Variants in PACS1 observed in about 807,000 individuals in gnomAD.
PACS1 encodes phosphofurin acidic cluster sorting protein 1, also known as PACS-1.
PACS1 carries 24 observed loss-of-function variants against 115.0 expected under a neutral mutation model. The observed-to-expected ratio is 0.21, with a 90% CI of 0.15 to 0.29. The LOEUF (loss-of-function observed/expected upper bound fraction) is 0.29. Among genes scored for constraint, PACS1 ranks in the 10% least tolerant of loss-of-function variants. The pLI, the probability that PACS1 is intolerant of heterozygous loss-of-function variation, is 1.00. For missense variants in PACS1, 838 were observed against 1,251.2 expected, an observed-to-expected ratio of 0.67 and a Z score of 4.98; for synonymous variants, 453 against 504.5, an observed-to-expected ratio of 0.90 and a Z score of 1.37.
intron 21 of PACS1, chr11:66,241,094 T>C (rs1565160775): frequency 4.9e-6 from 1 of 204,196 alleles, no homozygotes; most frequent in African/African-American, 2.3e-5. Flanking sequence ...TGTGTGTGTG[T>C]TATATGTGTG....
At chr11:66,072,535 T>C (rs1396638304) in intron 1 of PACS1, among the ~76,000 whole-genome samples, 1 of 152,154 alleles carries the variant, frequency 6.6e-6, no homozygotes, top group African/African-American at 2.4e-5. Flanking sequence ...TTTTTTTTTC[T>C]CTGTCCTTTC....
chr11:66,232,545 C>T (rs1325222146), intron 14 of PACS1, among the ~76,000 whole-genome samples: 4 of 152,234 alleles, frequency 2.6e-5, no homozygotes, highest in Non-Finnish European at 4.4e-5. Flanking sequence ...AACAGTAATT[C>T]CTCCAGGGCG....
intron 2 of PACS1, among the ~76,000 whole-genome samples, chr11:66,208,445 C>A (rs1854994487): frequency 6.6e-6 from 1 of 151,870 alleles, no homozygotes; most frequent in African/African-American, 2.4e-5. Context: ...TAGCGATACC[C>A]CATCTCTACA....
At chr11:66,131,006 G>A (rs1266542585) in intron 1 of PACS1, among the ~76,000 whole-genome samples, 1 of 152,168 alleles carries the variant, frequency 6.6e-6, no homozygotes, top group East Asian at 1.9e-4. Context: ...AGGACGTTCA[G>A]GCTGCAGTGA....
chr11:66,118,009 T>C (rs900721315), intron 1 of PACS1, among the ~76,000 whole-genome samples: 2 of 152,254 alleles, frequency 1.3e-5, no homozygotes, highest in African/African-American at 4.8e-5. Flanking sequence ...GGATGTTTTT[T>C]CCATTTGTGT....
At chr11:66,188,819 G>T (rs932731880) in intron 1 of PACS1, among the ~76,000 whole-genome samples, 1 of 152,130 alleles carries the variant, frequency 6.6e-6, no homozygotes, top group Non-Finnish European at 1.5e-5. Context: ...GCAAATGCGG[G>T]TTTATGGAGA....
At position 66,119,916 on chromosome 11, in the gene PACS1, G is replaced by A. The variant is rs564612863; in HGVS notation, c.356+49074G>A. The stretch of plus-strand genomic sequence containing the variant: ...TCTCTAGGCACCGTTCAGCTCAGTA[G>A]AGACATTGCTGCATGGTGGAAGGAG... On this transcript the variant is annotated intron_variant, in intron 1 of 23. Coordinates refer to ENST00000320580, the MANE Select transcript of PACS1 (RefSeq NM_018026.4). Among the ~76,000 whole-genome samples, 11 of 152,236 alleles carry A rather than the reference G, an allele frequency of 7.2e-5. No homozygotes were observed. In the East Asian group the frequency reaches 2.1e-3, roughly 29 times the overall value.
intron 1 of PACS1, among the ~76,000 whole-genome samples, chr11:66,159,390 T>G (rs1351442997): frequency 6.6e-6 from 1 of 150,966 alleles, no homozygotes; most frequent in African/African-American, 2.4e-5. Flanking sequence ...TGACCCAAGA[T>G]CACGCCATTG....
At chr11:66,077,298 C>T (rs1349027832) in intron 1 of PACS1, among the ~76,000 whole-genome samples, 2 of 152,218 alleles carry the variant, frequency 1.3e-5, no homozygotes, top group East Asian at 3.8e-4. Context: ...CGTGGTGGCT[C>T]ATGCCTATCA....
chr11:66,100,768 C>T (rs1188472077), intron 1 of PACS1: 7 of 456,086 alleles, frequency 1.5e-5, no homozygotes, highest in Non-Finnish European at 2.6e-5. Context: ...TCTCCCTCAC[C>T]GTGTGATGTC....
At chr11:66,100,052 G>T (rs771861327) in intron 1 of PACS1, among the ~76,000 whole-genome samples, 4 of 151,874 alleles carry the variant, frequency 2.6e-5, no homozygotes, top group Non-Finnish European at 5.9e-5. Flanking sequence ...AGCTAATTTT[G>T]TATTTTTAGT....
intron 1 of PACS1, among the ~76,000 whole-genome samples, chr11:66,078,834 G>C (rs1305746039): frequency 6.6e-6 from 1 of 152,244 alleles, no homozygotes; most frequent in African/African-American, 2.4e-5. Flanking sequence ...GATTATAGGC[G>C]TAAGCCACCG....
rs140256672 is a variant in PACS1, at chr11:66,081,406, T to TCCGTCTTCC, written c.356+10566_356+10574dup. On this transcript the variant is annotated intron_variant, in intron 1 of 23. Transcript: ENST00000320580. ...CTGTTTTTCTTGTCAACCTAATTTC[T>TCCGTCTTCC]CCGTCTTCCCTGCCCCCCCCAACCA... 3.3e-3 allele frequency among the ~76,000 whole-genome samples: 496 copies of TCCGTCTTCC among 152,142 alleles called. 2 individuals carry two copies. Among genetic ancestry groups the TCCGTCTTCC allele is most frequent in the African/African-American group, 0.011 (473 of 41,464 alleles).
chr11:66,169,240 T>C (rs1282832080), intron 1 of PACS1, among the ~76,000 whole-genome samples: 1 of 150,700 alleles, frequency 6.6e-6, no homozygotes, highest in Non-Finnish European at 1.5e-5. Flanking sequence ...AGAGGACTTA[T>C]CATAAATGGA....
rs930565654 is a variant in PACS1, at chr11:66,090,271, C to CTT, written c.356+19447_356+19448dup. ...TCTCTTCTTTTCTCTTCTTTCCTTT[C>CTT]TTTTTTTTTTTTTTTTTTTCAGATA... is the stretch of plus-strand genomic sequence containing the variant. On this transcript the variant is annotated intron_variant, in intron 1 of 23. Coordinates refer to ENST00000320580, the MANE Select transcript of PACS1 (RefSeq NM_018026.4). Among the ~76,000 whole-genome samples, 299 of 109,418 alleles carry CTT rather than the reference C, an allele frequency of 2.7e-3. 2 individuals are homozygous for CTT. The highest frequency in any genetic ancestry group is 5.0e-3 in the African/African-American group (142 of 28,488). 71.8% of individuals were successfully genotyped at this position (109,418 alleles called of 152,430 possible).
chr11:66,093,140 A>G (rs1489412231), intron 1 of PACS1, among the ~76,000 whole-genome samples: 2 of 152,110 alleles, frequency 1.3e-5, no homozygotes, highest in Non-Finnish European at 2.9e-5. Context: ...GATTCTTCCT[A>G]CCCATGAGCA....
intron 1 of PACS1, among the ~76,000 whole-genome samples, chr11:66,122,824 ACTC>A (rs1314450189): frequency 2.6e-5 from 4 of 152,126 alleles, no homozygotes; most frequent in Non-Finnish European, 4.4e-5. Flanking sequence ...GATGGGACCT[ACTC>A]CTGGTAAAGA....
At chr11:66,214,703 C>A (rs1855159308) in intron 4 of PACS1, among the ~76,000 whole-genome samples, 1 of 149,690 alleles carries the variant, frequency 6.7e-6, no homozygotes, top group South Asian at 2.1e-4. Context: ...CTCACTACAG[C>A]CTCGACTTCC....
At chr11:66,128,958 G>A (rs1036435399) in intron 1 of PACS1, among the ~76,000 whole-genome samples, 4 of 152,048 alleles carry the variant, frequency 2.6e-5, no homozygotes, top group African/African-American at 4.8e-5. Context: ...TGGGTAAAGG[G>A]GTGGCGTGGC....
Sources: gnomAD v4.1 joint callset for allele counts (sites outside exome capture counted in the v4.1 genomes callset) on GRCh38, gnomAD v4.1.1 for gene constraint, MANE v1.5 for transcripts, NCBI Gene and HGNC (gene_info 2026-07-23, HGNC 2026-07-21) for gene names.